The following NAV2 variants were observed in gnomAD, a reference collection of about 807,000 sequenced individuals.
The protein encoded by NAV2 is neuron navigator 2, also known as helicase, APC down-regulated 1.
In NAV2, 54 loss-of-function variants were observed where a neutral mutation model predicts 223.2. The observed-to-expected ratio is 0.24, with a 90% confidence interval of 0.19 to 0.30. NAV2 has a LOEUF of 0.30. NAV2 is among the 10% of genes least tolerant of loss of function. The probability of loss-of-function intolerance (pLI) is 1.00; values close to 1 mark genes in which losing one functional copy is unlikely to be tolerated. For synonymous variants in NAV2, 1,279 were observed against 1,239.3 expected, an observed-to-expected ratio of 1.03 and a Z score of -0.67; for missense variants, 2,806 against 3,147.5, an observed-to-expected ratio of 0.89 and a Z score of 2.60.
At chr11:19,709,301 G>A (rs181142002), upstream of NAV2, among the ~76,000 whole-genome samples, 13 of 152,094 alleles carry the variant, frequency 8.5e-5, no homozygotes, top group East Asian at 3.9e-4. Context: ...CCAGCACTTT[G>A]GGAGGCCAAG....
chr11:19,964,889 G>A (rs1006794823), intron 10 of NAV2, among the ~76,000 whole-genome samples: 8 of 129,190 alleles, frequency 6.2e-5, no homozygotes, highest in African/African-American at 1.8e-4. Flanking sequence ...GCACGATCTC[G>A]GCTCACCACA....
At chr11:20,046,986 G>A (rs1248543538) in intron 14 of NAV2, among the ~76,000 whole-genome samples, 3 of 152,192 alleles carry the variant, frequency 2.0e-5, no homozygotes, top group Non-Finnish European at 2.9e-5. Flanking sequence ...AAAGACTTCA[G>A]AAGAAGCATT....
chr11:19,713,761 G>T lies in NAV2; in HGVS notation c.66G>T (p.Ala22=), dbSNP rs1309453790. Residue 22 remains alanine (A), a synonymous_variant, in exon 1 of 38, where the codon GCG becomes GCT. Coordinates refer to ENST00000349880, the MANE Select transcript of NAV2 (RefSeq NM_145117.5). This position sits in a 1 kb window ranked among gnomAD's most constrained non-coding sequence, Gnocchi z 7.2. ...TGCCCAAACCCGTGCACAGCGCCGC[G>T]CCCATCCTGCACGTGCCCCCGGCCC... ...SGLPKPVHSA[A]PILHVPPARA... 1.9e-6 allele frequency: 3 copies of T among 1,612,500 alleles called. No homozygotes were observed. The highest frequency in any genetic ancestry group is 2.5e-6 in the Non-Finnish European group (3 of 1,179,518).
chr11:19,706,310 A>G (rs2049660689), intron 1 of NAV2, among the ~76,000 whole-genome samples: 1 of 152,228 alleles, frequency 6.6e-6, no homozygotes, highest in South Asian at 2.1e-4. Flanking sequence ...CTTAACTTAT[A>G]GAAGTAGGAG....
chr11:19,787,165 A>G (rs1273597879), intron 1 of NAV2, among the ~76,000 whole-genome samples: 1 of 151,482 alleles, frequency 6.6e-6, no homozygotes, highest in Admixed American at 6.6e-5. Flanking sequence ...ATCATAGCTC[A>G]CTGCAACCTC....
upstream of NAV2, among the ~76,000 whole-genome samples, chr11:19,348,886 A>G (rs146144989): frequency 1.2e-3 from 183 of 152,292 alleles, 3 homozygotes; most frequent in African/African-American, 4.1e-3. Context: ...TGAGGTTTCA[A>G]TTGGATTCAG....
intron 1 of NAV2, among the ~76,000 whole-genome samples, chr11:19,414,817 A>G (rs1850296711): frequency 6.6e-6 from 1 of 152,230 alleles, no homozygotes; most frequent in Non-Finnish European, 1.5e-5. Context: ...AACTACATGG[A>G]AACTGAACAA....
intron 1 of NAV2, among the ~76,000 whole-genome samples, chr11:19,443,665 C>T (rs1242746899): frequency 6.6e-6 from 1 of 152,186 alleles, no homozygotes; most frequent in Non-Finnish European, 1.5e-5. Context: ...AGTGTTTACA[C>T]TGCTCAAGCT....
At chr11:20,057,283 G>A (rs763473094) in intron 19 of NAV2, among the ~76,000 whole-genome samples, 23 of 152,332 alleles carry the variant, frequency 1.5e-4, no homozygotes, top group Admixed American at 3.3e-4. Context: ...CTTTTTAACA[G>A]AAGTTTTAAA....
intron 1 of NAV2, among the ~76,000 whole-genome samples, chr11:19,629,173 T>C (rs1397695043): frequency 6.6e-6 from 1 of 151,936 alleles, no homozygotes; most frequent in Non-Finnish European, 1.5e-5. Context: ...CACATCTCTC[T>C]CTCCCACCAT....
chr11:19,990,464 CT>C (rs530915557), intron 11 of NAV2, among the ~76,000 whole-genome samples: 79 of 152,294 alleles, frequency 5.2e-4, no homozygotes, highest in Non-Finnish European at 9.7e-4. Context: ...GCTTGGGGAT[CT>C]GTAGGGCCTC....
intron 11 of NAV2, chr11:20,027,134 G>C: frequency 5.9e-6 from 2 of 339,270 alleles, no homozygotes; most frequent in Non-Finnish European, 8.4e-6. Flanking sequence ...CCCAGCAATA[G>C]TTAGAGGAGA....
intron 1 of NAV2, among the ~76,000 whole-genome samples, chr11:19,571,972 C>G (rs1189136167): frequency 1.3e-5 from 2 of 152,314 alleles, no homozygotes; most frequent in Admixed American, 1.3e-4. Context: ...TTTCCCAACC[C>G]TCTAAGCACT....
At position 19,946,515 on chromosome 11, in the gene NAV2, T is replaced by A. The variant is rs191237522; in HGVS notation, c.2255+6T>A. ...GGAACTCAGGTTACACACAGGTATC[T>A]GCAGTGTGAATTACTTTACTGAACT... is the stretch of plus-strand genomic sequence containing the variant. On this transcript the variant is annotated splice_donor_region_variant and intron_variant, in intron 9 of 37. Transcript: ENST00000349880. The A allele has an allele frequency of 4.4e-6, 7 of 1,608,574 alleles. No homozygotes were observed. In the East Asian group the frequency reaches 1.6e-4, roughly 36 times the overall value.
Position 19,724,895 on chromosome 11 carries a change from A to G in NAV2, c.267+10933A>G, listed in dbSNP as rs1398710554. Among the ~76,000 whole-genome samples, 4 of 152,282 alleles carry G rather than the reference A, an allele frequency of 2.6e-5. No individual in the cohort carries two copies. The East Asian group carries it at 7.7e-4, about 29-fold the overall frequency. The stretch of plus-strand genomic sequence containing the variant: ...ATTTACGAGGAATCTCACCTTCCTA[A>G]TGCTAGGGCGAGGCCTGGGGCACAG... On this transcript the variant is annotated intron_variant, in intron 1 of 37. Coordinates refer to ENST00000349880, the MANE Select transcript of NAV2 (RefSeq NM_145117.5).
At chr11:19,987,555 G>A (rs1463144852) in intron 11 of NAV2, among the ~76,000 whole-genome samples, 1 of 152,238 alleles carries the variant, frequency 6.6e-6, no homozygotes, top group Non-Finnish European at 1.5e-5. Context: ...CTTAAGGGAC[G>A]CTGGCCTACC....
intron 1 of NAV2, among the ~76,000 whole-genome samples, chr11:19,729,585 G>C (rs1295624760): frequency 6.6e-6 from 1 of 152,194 alleles, no homozygotes; most frequent in African/African-American, 2.4e-5. Context: ...ATTCAGAAAT[G>C]AGGGCTTGAA....
intron 1 of NAV2, among the ~76,000 whole-genome samples, chr11:19,468,253 A>G (rs1339486729): frequency 2.6e-5 from 4 of 152,212 alleles, no homozygotes; most frequent in African/African-American, 4.8e-5. Flanking sequence ...CTAGAGTTGT[A>G]TATTAGTTTC....
intron 1 of NAV2, among the ~76,000 whole-genome samples, chr11:19,404,873 T>C (rs1317192926): frequency 1.4e-5 from 2 of 143,050 alleles, no homozygotes; most frequent in African/African-American, 6.1e-5. Context: ...CTTTTTTTTC[T>C]TTTTTTAAGT....
Sources: gnomAD v4.1 joint callset for allele counts (sites outside exome capture counted in the v4.1 genomes callset) on GRCh38, gnomAD v4.1.1 for gene constraint, Gnocchi (gnomAD v3.1) non-coding constraint, MANE v1.5 for transcripts, NCBI Gene and HGNC (gene_info 2026-07-23, HGNC 2026-07-21) for gene names.